Variants in KCNQ1 observed in about 807,000 individuals in gnomAD.
The protein encoded by KCNQ1 is potassium voltage-gated channel subfamily KQT member 1.
KCNQ1 carries 49 observed loss-of-function variants against 72.4 expected under a neutral mutation model. That is an observed-to-expected ratio of 0.68 (90% CI 0.54 to 0.86). KCNQ1 has a LOEUF of 0.86. KCNQ1 is among the 40% of genes least tolerant of loss of function. KCNQ1 has a pLI of 0.00. For synonymous variants in KCNQ1, 450 were observed against 412.6 expected, an observed-to-expected ratio of 1.09 and a Z score of -1.10; for missense variants, 790 against 945.1, an observed-to-expected ratio of 0.84 and a Z score of 2.15.
At chr11:2,840,193 TATTC>T (rs1848178298) in intron 15 of KCNQ1, 1 of 152,274 alleles carries the variant, frequency 6.6e-6, no homozygotes, top group African/African-American at 2.4e-5. Flanking sequence ...AGAGAAAAGA[TATTC>T]ATTCAGCATA....
chr11:2,833,689 G>A (rs1848001699), intron 15 of KCNQ1, among the ~76,000 whole-genome samples: 1 of 152,238 alleles, frequency 6.6e-6, no homozygotes, highest in African/African-American at 2.4e-5. Context: ...CAAACACCAG[G>A]TCCCATGTTT....
At position 2,787,072 on chromosome 11, in the gene KCNQ1, T is replaced by A. The variant is rs111321830; in HGVS notation, c.1794+9035T>A. ...CATGTTTACCCCTTCCATTGCCACA[T>A]ATGTGGGTGTACTGCCAGCCTGGAC... On this transcript the variant is annotated intron_variant, in intron 15 of 15. Coordinates refer to ENST00000155840, the MANE Select transcript of KCNQ1 (RefSeq NM_000218.3). This position sits in a 1 kb window ranked among gnomAD's most constrained non-coding sequence, Gnocchi z 6.3. 6.6e-6 allele frequency among the ~76,000 whole-genome samples: 1 copy of A among 151,620 alleles called. No individual in the cohort carries two copies. Among genetic ancestry groups the A allele is most frequent in the Non-Finnish European group, 1.5e-5 (1 of 67,908 alleles).
Position 2,653,102 on chromosome 11 carries a change from A to T in KCNQ1, c.1394-8859A>T. ...TACAGCAGGGTGTGGAGAGAGGCTCACTGAAGGTTTGGGGAGATGAGGACT... is the reference window on the plus strand; with the variant it reads ...TACAGCAGGGTGTGGAGAGAGGCTCTCTGAAGGTTTGGGGAGATGAGGACT... On this transcript the variant is annotated intron_variant, in intron 10 of 15. Transcript: ENST00000155840. The surrounding 1 kb of genome is among the most constrained non-coding windows in gnomAD (Gnocchi z 5.3). 2.5e-6 allele frequency: 1 copy of T among 398,752 alleles called. No homozygotes were observed. The highest frequency in any genetic ancestry group is 3.6e-5 in the East Asian group (1 of 28,074). 24.7% of individuals were successfully genotyped at this position (398,752 alleles called of 1,614,324 possible).
intron 1 of KCNQ1, among the ~76,000 whole-genome samples, chr11:2,520,788 G>T (rs1246799976): frequency 6.6e-6 from 1 of 152,130 alleles, no homozygotes; most frequent in Non-Finnish European, 1.5e-5. Flanking sequence ...AGTCTCCCAG[G>T]ATGACTTTTT....
At chr11:2,476,773 A>C (rs1377133369) in intron 1 of KCNQ1, among the ~76,000 whole-genome samples, 5 of 152,016 alleles carry the variant, frequency 3.3e-5, no homozygotes, top group African/African-American at 4.8e-5. Flanking sequence ...AGCAACGTCT[A>C]CCTCCCGGGT....
intron 6 of KCNQ1, among the ~76,000 whole-genome samples, chr11:2,578,405 C>T (rs1848452380): frequency 6.6e-6 from 1 of 152,238 alleles, no homozygotes; most frequent in Non-Finnish European, 1.5e-5. Flanking sequence ...CATTGTCCCA[C>T]ATCCCCTGGA....
intron 15 of KCNQ1, 103 bp downstream of exon 15, chr11:2,778,140 C>G: frequency 2.6e-6 from 3 of 1,140,042 alleles, no homozygotes; most frequent in Non-Finnish European, 3.9e-6. Context: ...GCAGGCCTCC[C>G]CACCTTCCCG....
At position 2,803,926 on chromosome 11, in the gene KCNQ1, C is replaced by G. The variant is rs951224169; in HGVS notation, c.1794+25889C>G. Among the ~76,000 whole-genome samples the G allele has an allele frequency of 1.3e-5, 2 of 152,174 alleles. No homozygotes were observed. Among genetic ancestry groups the G allele is most frequent in the African/African-American group, 4.8e-5 (2 of 41,422 alleles). On this transcript the variant is annotated intron_variant, in intron 15 of 15. Coordinates refer to ENST00000155840, the MANE Select transcript of KCNQ1 (RefSeq NM_000218.3). This position sits in a 1 kb window ranked among gnomAD's most constrained non-coding sequence, Gnocchi z 6.4. ...CGCCTCTGCCACCTGCTCCAGCCACCTGGCAGATCCCACTCGGCTCACACA... is the reference window on the plus strand; with the variant it reads ...CGCCTCTGCCACCTGCTCCAGCCACGTGGCAGATCCCACTCGGCTCACACA...
At chr11:2,655,518 A>T (rs1403882477) in intron 10 of KCNQ1, 2 of 398,550 alleles carry the variant, frequency 5.0e-6, no homozygotes, top group East Asian at 7.1e-5. Flanking sequence ...TTTCAAGTAC[A>T]CCATGGGCTC....
Position 2,762,686 on chromosome 11 carries a change from G to A in KCNQ1, c.1515-6158G>A, listed in dbSNP as rs953974306. 5.3e-5 allele frequency among the ~76,000 whole-genome samples: 8 copies of A among 152,210 alleles called. No individual in the cohort carries two copies. Among genetic ancestry groups the A allele is most frequent in the Admixed American group, 2.6e-4 (4 of 15,286 alleles). The stretch of plus-strand genomic sequence containing the variant: ...AGATCAGTGGTGGCATTAGATTCTC[G>A]CAGGAGCGCGAACCCTGTTGTGAAT... On this transcript the variant is annotated intron_variant, in intron 11 of 15. Transcript: ENST00000155840. The surrounding 1 kb of genome is among the most constrained non-coding windows in gnomAD (Gnocchi z 4.3).
chr11:2,777,428 G>T, intron 14 of KCNQ1: 1 of 537,762 alleles, frequency 1.9e-6, no homozygotes, highest in South Asian at 2.9e-5. Flanking sequence ...AAGTTGAGAG[G>T]GACAGAAGCA....
rs538000214 is a variant in KCNQ1, at chr11:2,826,768, C to T, written c.1795-20999C>T. 8.2e-4 allele frequency among the ~76,000 whole-genome samples: 125 copies of T among 152,348 alleles called. No homozygotes were observed. Among genetic ancestry groups the T allele is most frequent in the South Asian group, 2.9e-3 (14 of 4,830 alleles). On this transcript the variant is annotated intron_variant, in intron 15 of 15. Transcript: ENST00000155840. This position sits in a 1 kb window ranked among gnomAD's most constrained non-coding sequence, Gnocchi z 4.2. The stretch of plus-strand genomic sequence containing the variant: ...CCTCCACTCAGAATCCCACTATGTG[C>T]TTGGAGCCATGCTGGGTGCTGGGGA...
chr11:2,829,606 G>A (rs1270165691), intron 15 of KCNQ1, among the ~76,000 whole-genome samples: 2 of 152,180 alleles, frequency 1.3e-5, no homozygotes, highest in Admixed American at 6.5e-5. Flanking sequence ...GTGTTGGAAA[G>A]ATAAGGGAGT....
Position 2,579,630 on chromosome 11 carries a change from C to T in KCNQ1, c.922-3805C>T, listed in dbSNP as rs1333434037. Among the ~76,000 whole-genome samples the T allele has an allele frequency of 1.3e-5, 2 of 152,188 alleles. No individual in the cohort carries two copies. The highest frequency in any genetic ancestry group is 2.9e-5 in the Non-Finnish European group (2 of 68,028). ...ATGAGGGTCTGGGGCCGGGTCTGGGCAGACAGGCAGACCAGGCGAAGGTGG... is the reference window on the plus strand; with the variant it reads ...ATGAGGGTCTGGGGCCGGGTCTGGGTAGACAGGCAGACCAGGCGAAGGTGG... On this transcript the variant is annotated intron_variant, in intron 6 of 15. Transcript: ENST00000155840. The surrounding 1 kb of genome is among the most constrained non-coding windows in gnomAD (Gnocchi z 6.0).
At position 2,682,687 on chromosome 11, in the gene KCNQ1, G is replaced by C. The variant is rs533991433; in HGVS notation, c.1514+20606G>C. 94 of 398,518 alleles carry C rather than the reference G, an allele frequency of 2.4e-4. No homozygotes were observed. The highest frequency in any genetic ancestry group is 3.8e-4 in the Non-Finnish European group (85 of 226,048). 24.7% of individuals were successfully genotyped at this position (398,518 alleles called of 1,614,324 possible). A position where few individuals can be genotyped will look rare whatever the true frequency, so the allele number is the denominator to read the frequency against. ...ACATGCTATTGTCCATAGAAGCTGG[G>C]GTCCAAAGTTGACCAGAATATCTCT... On this transcript the variant is annotated intron_variant, in intron 11 of 15. Coordinates refer to ENST00000155840, the MANE Select transcript of KCNQ1 (RefSeq NM_000218.3). The surrounding 1 kb of genome is among the most constrained non-coding windows in gnomAD (Gnocchi z 5.8).
In KCNQ1 at chr11:2,621,238, A is replaced by G. The variant is rs899245039; in HGVS notation, c.1393+32384A>G. 25 of 398,176 alleles carry G rather than the reference A, an allele frequency of 6.3e-5. No homozygotes were observed. In the East Asian group the frequency reaches 8.5e-4, roughly 14 times the overall value. The allele number at this position is 398,176 out of a possible 1,614,324, so 24.7% of individuals were successfully genotyped here. Reference sequence around the variant, plus strand: ...GATGATCCACGCACCTCAGCCTCCCAAAGTGCTAGGACTACAGGCATGAGC... The same window carrying G: ...GATGATCCACGCACCTCAGCCTCCCGAAGTGCTAGGACTACAGGCATGAGC... On this transcript the variant is annotated intron_variant, in intron 10 of 15. Transcript: ENST00000155840. The surrounding 1 kb of genome is among the most constrained non-coding windows in gnomAD (Gnocchi z 5.7).
chr11:2,502,922 C>T (rs940739225), intron 1 of KCNQ1, among the ~76,000 whole-genome samples: 3 of 152,266 alleles, frequency 2.0e-5, no homozygotes, highest in East Asian at 3.9e-4. Context: ...GTGCCAAGAA[C>T]ATGCATTGGG....
chr11:2,463,335 G>A lies in KCNQ1; in HGVS notation c.386+17851G>A, dbSNP rs529490596. Among the ~76,000 whole-genome samples the A allele has an allele frequency of 1.8e-3, 277 of 151,872 alleles. No homozygotes were observed. Among genetic ancestry groups the A allele is most frequent in the African/African-American group, 6.4e-3 (264 of 41,138 alleles). Reference sequence around the variant, plus strand: ...TGCAAGGTAGAGGCTGTTTTCTGCTGAGGATACATTTGCCCCCTCTATCCC... The same window carrying A: ...TGCAAGGTAGAGGCTGTTTTCTGCTAAGGATACATTTGCCCCCTCTATCCC... On this transcript the variant is annotated intron_variant, in intron 1 of 15. Coordinates refer to ENST00000155840, the MANE Select transcript of KCNQ1 (RefSeq NM_000218.3). This position sits in a 1 kb window ranked among gnomAD's most constrained non-coding sequence, Gnocchi z 7.0.
rs1242825745 is a variant in KCNQ1 at position 2,544,298 on chromosome 11, ATATGTG to A, written c.477+16284_477+16289del. ...TATATATGTGTATATATATATGTAT[ATATGTG>A]TATATATGTATATATCTATGTATAT... is the stretch of plus-strand genomic sequence containing the variant. On this transcript the variant is annotated intron_variant, in intron 2 of 15. Coordinates refer to ENST00000155840, the MANE Select transcript of KCNQ1 (RefSeq NM_000218.3). This position sits in a 1 kb window ranked among gnomAD's most constrained non-coding sequence, Gnocchi z 4.4. Among the ~76,000 whole-genome samples the A allele has an allele frequency of 2.8e-5, 4 of 141,642 alleles. No individual in the cohort carries two copies. Among genetic ancestry groups the A allele is most frequent in the African/African-American group, 5.4e-5 (2 of 36,996 alleles). 92.9% of individuals were successfully genotyped at this position (141,642 alleles called of 152,430 possible).
Sources: allele counts gnomAD v4.1 joint callset (sites outside exome capture counted in the v4.1 genomes callset), GRCh38; gene constraint gnomAD v4.1.1; non-coding constraint Gnocchi (gnomAD v3.1); transcripts MANE v1.5; gene names NCBI Gene and HGNC (gene_info 2026-07-23, HGNC 2026-07-21).